The following PSTPIP2 variants were observed in gnomAD, a reference collection of about 807,000 sequenced individuals.
The protein encoded by PSTPIP2 is proline-serine-threonine phosphatase interacting protein 2.
Under a neutral mutation model 63.3 loss-of-function variants are expected in PSTPIP2, and 33 were observed. The ratio of observed to expected loss-of-function variants is 0.52; its 90% confidence interval spans 0.40 to 0.70. The LOEUF (loss-of-function observed/expected upper bound fraction) is 0.70, where lower values mean the gene tolerates loss of function less well. PSTPIP2 is among the 30% of genes least tolerant of loss of function. The pLI, the probability that PSTPIP2 is intolerant of heterozygous loss-of-function variation, is 0.00. For synonymous variants in PSTPIP2, 125 were observed against 132.7 expected (o/e 0.94, Z 0.40); for missense variants, 312 against 400.7 (o/e 0.78, Z 1.89).
chr18:46,022,588 G>C (rs1357581602), intron 3 of PSTPIP2, among the ~76,000 whole-genome samples: 1 of 152,126 alleles, frequency 6.6e-6, no homozygotes, highest in African/African-American at 2.4e-5. Flanking sequence ...ATGAAAACAT[G>C]AGACCCCTTG....
chr18:46,068,909 A>G (rs1909292763), intron 1 of PSTPIP2, among the ~76,000 whole-genome samples: 1 of 152,092 alleles, frequency 6.6e-6, no homozygotes, highest in Admixed American at 6.6e-5. Context: ...TTTGGATGAG[A>G]GTGACAGCCT....
chr18:45,985,497 T>C (rs1240982044), intron 14 of PSTPIP2, 47 bp from the exon 15 acceptor site: 1 of 1,588,502 alleles, frequency 6.3e-7, no homozygotes, highest in Non-Finnish European at 8.6e-7. Flanking sequence ...AAGGTGCTTG[T>C]CAATACTCTC....
chr18:46,005,435 A>G (rs746245087), intron 6 of PSTPIP2, 34 bp downstream of exon 6: 1 of 1,520,720 alleles, frequency 6.6e-7, no homozygotes, highest in East Asian at 2.3e-5. Context: ...AAATGTCACC[A>G]TTATCCCAAA....
intron 2 of PSTPIP2, chr18:46,029,049 G>A: frequency 1.2e-6 from 1 of 800,702 alleles, no homozygotes; most frequent in East Asian, 2.5e-5. Context: ...TCAGGTTGAT[G>A]GAAGAACAAA....
chr18:46,046,422 T>C (rs1908387308), intron 1 of PSTPIP2, among the ~76,000 whole-genome samples: 1 of 152,114 alleles, frequency 6.6e-6, no homozygotes, highest in Non-Finnish European at 1.5e-5. Context: ...AGACATGGGC[T>C]CCAGGGATCA....
intron 1 of PSTPIP2, among the ~76,000 whole-genome samples, chr18:46,056,339 C>A (rs1446116261): frequency 6.6e-6 from 1 of 152,194 alleles, no homozygotes; most frequent in East Asian, 1.9e-4. Flanking sequence ...ACTCATTGGT[C>A]CAAAACGTCA....
chr18:46,032,386 C>T (rs1907815072), intron 2 of PSTPIP2, among the ~76,000 whole-genome samples: 1 of 152,140 alleles, frequency 6.6e-6, no homozygotes, highest in Non-Finnish European at 1.5e-5. Flanking sequence ...TCCTTAAAAA[C>T]CCCAACTCCC....
chr18:46,005,347 C>G, intron 6 of PSTPIP2, 122 bp downstream of exon 6: 2 of 823,194 alleles, frequency 2.4e-6, no homozygotes, highest in South Asian at 4.0e-5. Context: ...TTCCCTAAAA[C>G]ACTGCACTAA....
chr18:45,990,893 C>G, intron 12 of PSTPIP2, 137 bp from the exon 13 acceptor site: 2 of 637,512 alleles, frequency 3.1e-6, no homozygotes, highest in East Asian at 6.2e-5. Flanking sequence ...TCACCTAAAG[C>G]AAATGATCTG....
chr18:46,016,713 C>T (rs1568217703), intron 3 of PSTPIP2, among the ~76,000 whole-genome samples: 1 of 152,176 alleles, frequency 6.6e-6, no homozygotes, highest in Non-Finnish European at 1.5e-5. Context: ...TTAGCTGGAT[C>T]CTGTGCTTGG....
intron 10 of PSTPIP2, among the ~76,000 whole-genome samples, chr18:45,993,245 C>T (rs910040123): frequency 6.6e-6 from 1 of 151,918 alleles, no homozygotes; most frequent in African/African-American, 2.4e-5. Flanking sequence ...CAGGGGTGCA[C>T]CACCATGCCC....
intron 2 of PSTPIP2, among the ~76,000 whole-genome samples, chr18:46,037,632 C>T (rs1568225232): frequency 6.6e-6 from 1 of 152,216 alleles, no homozygotes; most frequent in Non-Finnish European, 1.5e-5. Flanking sequence ...ACATGAATTA[C>T]CCTTGAACAA....
intron 2 of PSTPIP2, among the ~76,000 whole-genome samples, chr18:46,036,213 C>A (rs1246383730): frequency 1.3e-5 from 2 of 150,308 alleles, no homozygotes; most frequent in African/African-American, 4.9e-5. Flanking sequence ...TAGTTATGAA[C>A]AATTATTGTA....
At chr18:46,039,585 C>T (rs559217116) in intron 2 of PSTPIP2, among the ~76,000 whole-genome samples, 1 of 152,174 alleles carries the variant, frequency 6.6e-6, no homozygotes, top group Non-Finnish European at 1.5e-5. Flanking sequence ...CCCTCCCTCC[C>T]TCTCTCCTTC....
intron 5 of PSTPIP2, 182 bp downstream of exon 5, chr18:46,010,999 C>T: frequency 3.5e-6 from 2 of 569,562 alleles, no homozygotes; most frequent in Non-Finnish European, 3.2e-6. Context: ...GGACAACTGG[C>T]CTGGGGTGTA....
chr18:46,028,795 G>A, intron 2 of PSTPIP2: 1 of 1,341,446 alleles, frequency 7.5e-7, no homozygotes, highest in Admixed American at 1.7e-5. Flanking sequence ...ACCTGCCTGG[G>A]CAGAGACTAA....
intron 14 of PSTPIP2, among the ~76,000 whole-genome samples, chr18:45,987,587 C>A (rs1403077772): frequency 6.7e-6 from 1 of 149,974 alleles, no homozygotes; most frequent in Non-Finnish European, 1.5e-5. Context: ...ATTTTCATTG[C>A]AGACAAATTC....
chr18:46,027,902 T>A (rs1420837648), intron 2 of PSTPIP2, among the ~76,000 whole-genome samples: 2 of 152,222 alleles, frequency 1.3e-5, no homozygotes, highest in Non-Finnish European at 2.9e-5. Context: ...GGCTCACGTC[T>A]GTAATCACAG....
intron 3 of PSTPIP2, among the ~76,000 whole-genome samples, chr18:46,019,432 C>T (rs1487323806): frequency 2.0e-5 from 3 of 152,130 alleles, no homozygotes; most frequent in Non-Finnish European, 4.4e-5. Flanking sequence ...AGCAGGACAG[C>T]CTAACTGCAC....
Sources: allele counts gnomAD v4.1 joint callset (sites outside exome capture counted in the v4.1 genomes callset), GRCh38; gene constraint gnomAD v4.1.1; transcripts MANE v1.5; gene names NCBI Gene and HGNC (gene_info 2026-07-23, HGNC 2026-07-21).